Variants in IQSEC2 observed in about 807,000 individuals in gnomAD.
IQSEC2 encodes IQ motif and SEC7 domain-containing protein 2.
IQSEC2 carries 6 observed loss-of-function variants against 74.6 expected under a neutral mutation model. That is an observed-to-expected ratio of 0.08 (90% CI 0.04 to 0.16). The LOEUF is 0.16. IQSEC2 is among the 10% of genes least tolerant of loss of function. The pLI is 1.00. For missense variants in IQSEC2, 734 were observed against 1,306.2 expected (o/e 0.56, Z 6.75); for synonymous variants, 494 against 544.5 (o/e 0.91, Z 1.29).
chrX:53,289,173 A>ACACGCAATGCATG (rs6151305), intron 2 of IQSEC2, among the ~76,000 whole-genome samples: 14 of 108,468 alleles, frequency 1.3e-4, no homozygotes, highest in Admixed American at 9.9e-4. Flanking sequence ...CCCCCTCCAC[A>ACACGCAATGCATG]CACACATGAA....
At chrX:53,313,364 C>T (rs986822934) in intron 1 of IQSEC2, among the ~76,000 whole-genome samples, 2 of 111,944 alleles carry the variant, frequency 1.8e-5, no homozygotes, top group South Asian at 3.7e-4. Context: ...TAGAGTTACA[C>T]AAAGTCCTTC....
chrX:53,317,960 TCTC>T (rs1258498502), intron 1 of IQSEC2, among the ~76,000 whole-genome samples: 3 of 112,007 alleles, frequency 2.7e-5, no homozygotes, highest in African/African-American at 9.8e-5. Context: ...CCCAGACTCA[TCTC>T]CTCCTGCTCA....
chrX:53,236,535 A>G (rs782310866), intron 12 of IQSEC2, 40 bp from the exon 13 acceptor site: 35 of 1,159,453 alleles, frequency 3.0e-5, no homozygotes, highest in Non-Finnish European at 3.2e-5. Context: ...AAGGTCAGGA[A>G]CAGGAGTGAG....
intron 2 of IQSEC2, among the ~76,000 whole-genome samples, chrX:53,289,067 C>T (rs2075063399): frequency 9.1e-6 from 1 of 110,261 alleles, no homozygotes; most frequent in South Asian, 3.8e-4. Context: ...GGGTGGCTTG[C>T]AATCTACCGA....
At chrX:53,282,030 G>T (rs1469677734) in intron 2 of IQSEC2, among the ~76,000 whole-genome samples, 1 of 112,310 alleles carries the variant, frequency 8.9e-6, no homozygotes, top group Admixed American at 9.4e-5. Context: ...TTTCAGCACA[G>T]TTAAAGAGAC....
chrX:53,319,993 G>GA (rs1352354372), intron 1 of IQSEC2, among the ~76,000 whole-genome samples: 849 of 24,560 alleles, frequency 0.035, 10 homozygotes, highest in African/African-American at 0.091. Flanking sequence ...AAAGAAAAAG[G>GA]AAAAAAAAAA....
At chrX:53,305,133 G>A (rs1388924188) in intron 1 of IQSEC2, among the ~76,000 whole-genome samples, 1 of 109,933 alleles carries the variant, frequency 9.1e-6, no homozygotes, top group East Asian at 2.9e-4. Flanking sequence ...TGGCCAGGCT[G>A]GTCTCGAACT....
rs2074074086 is a variant in IQSEC2, at chrX:53,233,056, G to T, written c.*1163C>A. ...CAGGGTCCATCTGTCTGTCTATACT[G>T]CAGCCCATGGTGGAGAGGGGAGAGG... On this transcript the variant is annotated 3_prime_UTR_variant, in exon 15 of 15. Transcript: ENST00000642864. 1 of 111,403 alleles carries T rather than the reference G, an allele frequency of 9.0e-6. No homozygotes were observed. The highest frequency in any genetic ancestry group is 3.9e-4 in the South Asian group (1 of 2,588). The allele number at this position is 111,403 out of a possible 1,213,427, so 9.2% of individuals were successfully genotyped here.
chrX:53,287,899 C>T (rs982652753), intron 2 of IQSEC2, among the ~76,000 whole-genome samples: 1 of 112,002 alleles, frequency 8.9e-6, no homozygotes, highest in Non-Finnish European at 1.9e-5. Flanking sequence ...TTACCTCCTC[C>T]TCTCTCCCAC....
chrX:53,249,819 C>T (rs1421805210), intron 5 of IQSEC2, among the ~76,000 whole-genome samples: 1 of 111,836 alleles, frequency 8.9e-6, no homozygotes, highest in African/African-American at 3.3e-5. Flanking sequence ...GCCCCCAACA[C>T]CTCTTACATA....
At chrX:53,238,399 T>G (rs2074168290) in intron 11 of IQSEC2, 93 bp from the exon 12 acceptor site, 1 of 853,155 alleles carries the variant, frequency 1.2e-6, no homozygotes, top group Non-Finnish European at 1.7e-6. Flanking sequence ...CTTTTTTTTC[T>G]GAGACAACAT....
chrX:53,305,991 T>A (rs1306000097), intron 1 of IQSEC2, among the ~76,000 whole-genome samples: 1 of 112,465 alleles, frequency 8.9e-6, no homozygotes, highest in African/African-American at 3.2e-5. Flanking sequence ...GGTACTACAA[T>A]GACAGAGAGA....
Position 53,281,396 on chromosome X carries a change from G to A in IQSEC2, c.737+10499C>T, listed in dbSNP as rs1453063962. 8.4e-6 allele frequency: 4 copies of A among 477,207 alleles called. No homozygotes were observed. The South Asian group carries it at 1.5e-4, about 18-fold the overall frequency. 39.3% of individuals were successfully genotyped at this position (477,207 alleles called of 1,213,427 possible). On this transcript the variant is annotated intron_variant, in intron 2 of 14. Transcript: ENST00000642864. ...TCTCAGAGTCCAAGAAGGGAGCCAG[G>A]AACCAGGAAGCCAGGAGGCTGCTGA...
Position 53,248,848 on chromosome X carries a change from G to A in IQSEC2, c.2332C>T (p.Arg778Trp). The change falls in exon 6 of 15, where the codon CGG becomes TGG. Residue 778 changes from arginine (R) to tryptophan (W), a missense_variant. By Grantham distance (101) the Arg-to-Trp change is moderately radical. Coordinates refer to ENST00000642864, the MANE Select transcript of IQSEC2 (RefSeq NM_001111125.3). ...ACCGGTGTGTCTGACAGGAAGCCCC[G>A]CTCGATCAGATACTGGATACCCTTC... ...PEKGIQYLIE[R>W]GFLSDTPVGV... The A allele has an allele frequency of 6.6e-6, 8 of 1,210,858 alleles. No homozygotes were observed. The highest frequency in any genetic ancestry group is 8.9e-6 in the Non-Finnish European group (8 of 895,077).
Position 53,250,561 on chromosome X carries a change from G to C in IQSEC2, c.2015C>G (p.Pro672Arg), listed in dbSNP as rs782393827. The change falls in exon 5 of 15, where the codon CCC (proline) becomes CGC (arginine). Residue 672 changes from proline to arginine, a missense_variant. Pro to Arg is a moderately radical substitution (Grantham distance 103). Transcript: ENST00000642864. ...LPPAPNSGTGPSGVAGGRRLG... is the reference protein window; with the variant it reads ...LPPAPNSGTGRSGVAGGRRLG... ...CCTCCGACCCCCAGCCACACCACTG[G>C]GCCCAGTGCCACTGTTGGGGGCTGG... 8.3e-7 allele frequency: 1 copy of C among 1,211,520 alleles called. No individual in the cohort carries two copies. Among genetic ancestry groups the C allele is most frequent in the East Asian group, 3.0e-5 (1 of 33,850 alleles).
At chrX:53,298,841 A>G (rs1556874887) in intron 1 of IQSEC2, among the ~76,000 whole-genome samples, 11 of 111,263 alleles carry the variant, frequency 9.9e-5, no homozygotes, top group Non-Finnish European at 2.1e-4. Flanking sequence ...CCTTCTGCTG[A>G]AATTTTTATT....
intron 4 of IQSEC2, among the ~76,000 whole-genome samples, chrX:53,251,854 G>A (rs2074396260): frequency 8.9e-6 from 1 of 112,326 alleles, no homozygotes; most frequent in African/African-American, 3.2e-5. Flanking sequence ...GAGCCCAGGA[G>A]TTCAAGAGCA....
intron 1 of IQSEC2, among the ~76,000 whole-genome samples, chrX:53,304,899 A>T (rs1556876255): frequency 9.0e-6 from 1 of 111,706 alleles, no homozygotes; most frequent in Non-Finnish European, 1.9e-5. Flanking sequence ...CCAAATAATC[A>T]TAAAGTTACT....
chrX:53,288,886 T>C (rs782476937), intron 2 of IQSEC2, among the ~76,000 whole-genome samples: 1 of 111,166 alleles, frequency 9.0e-6, no homozygotes, highest in African/African-American at 3.3e-5. Context: ...TGGCTTAAGG[T>C]ATCTTTAGGT....
Sources: gnomAD v4.1 joint callset for allele counts (sites outside exome capture counted in the v4.1 genomes callset) on GRCh38, gnomAD v4.1.1 for gene constraint, MANE v1.5 for transcripts, NCBI Gene and HGNC (gene_info 2026-07-23, HGNC 2026-07-21) for gene names.